The following GIGYF2 variants were observed in gnomAD, a reference collection of about 807,000 sequenced individuals.
The protein encoded by GIGYF2 is GRB10-interacting GYF protein 2.
Under a neutral mutation model 208.1 loss-of-function variants are expected in GIGYF2, and 25 were observed. That is an observed-to-expected ratio of 0.12 (90% CI 0.09 to 0.17). The LOEUF (loss-of-function observed/expected upper bound fraction) is 0.17. Among genes scored for constraint, GIGYF2 ranks in the 10% least tolerant of loss-of-function variants. The pLI is 1.00. For synonymous variants in GIGYF2, 534 were observed against 543.8 expected, an observed-to-expected ratio of 0.98 and a Z score of 0.25; for missense variants, 1,302 against 1,579.4, an observed-to-expected ratio of 0.82 and a Z score of 2.98.
At chr2:232,770,983 G>A in intron 8 of GIGYF2, 1 of 1,614,016 alleles carries the variant, frequency 6.2e-7, no homozygotes. Flanking sequence ...GTCACCACTG[G>A]GGAACATGGT....
At chr2:232,767,202 A>C (rs1699005680) in intron 8 of GIGYF2, 1 of 152,156 alleles carries the variant, frequency 6.6e-6, no homozygotes, top group Admixed American at 6.5e-5. Flanking sequence ...CAGGAATTTG[A>C]GTTTGAAAAT....
chr2:232,764,310 G>A (rs1195333391), intron 8 of GIGYF2: 1 of 152,216 alleles, frequency 6.6e-6, no homozygotes, highest in African/African-American at 2.4e-5. Context: ...GTGTGCTGAT[G>A]TCCTCTCAGC....
intron 27 of GIGYF2, among the ~76,000 whole-genome samples, chr2:232,849,510 G>C (rs1006307867): frequency 5.3e-5 from 8 of 152,064 alleles, no homozygotes; most frequent in African/African-American, 1.9e-4. Context: ...CAATATAGAA[G>C]GCTCTTTGCA....
intron 2 of GIGYF2, among the ~76,000 whole-genome samples, chr2:232,707,416 C>G (rs1327602407): frequency 6.6e-6 from 1 of 152,144 alleles, no homozygotes; most frequent in Non-Finnish European, 1.5e-5. Flanking sequence ...GTACTTTCTA[C>G]TTGATAAATC....
intron 21 of GIGYF2, among the ~76,000 whole-genome samples, chr2:232,821,148 G>A (rs1042918234): frequency 1.6e-4 from 25 of 151,958 alleles, no homozygotes; most frequent in Admixed American, 5.2e-4. Flanking sequence ...TTTGAAACAC[G>A]TAAATTTTTC....
In GIGYF2 at chr2:232,806,666, C is replaced by T; in HGVS notation, c.1806+9C>T. ...CTCCCCCTCCTCATATGGTAAGTACCTTTCACCTCACCTGGAATACATATT... is the reference window on the plus strand; with the variant it reads ...CTCCCCCTCCTCATATGGTAAGTACTTTTCACCTCACCTGGAATACATATT... On this transcript the variant is annotated intron_variant, in intron 15 of 28. Transcript: ENST00000373563. The surrounding 1 kb of genome is among the most constrained non-coding windows in gnomAD (Gnocchi z 4.0). The T allele has an allele frequency of 6.3e-7, 1 of 1,591,448 alleles. No homozygotes were observed.
chr2:232,752,900 T>C (rs1166028502), intron 5 of GIGYF2, among the ~76,000 whole-genome samples: 6 of 152,054 alleles, frequency 3.9e-5, no homozygotes, highest in Admixed American at 3.3e-4. Context: ...AAGCACATAA[T>C]GAAAAGCAAG....
chr2:232,771,404 C>T (rs1192945404), intron 8 of GIGYF2: 1 of 1,416,666 alleles, frequency 7.1e-7, no homozygotes, highest in Non-Finnish European at 9.9e-7. Flanking sequence ...AATTAGTAAG[C>T]TCTTAACTGT....
At chr2:232,814,564 A>ACC (rs1187503725) in intron 18 of GIGYF2, among the ~76,000 whole-genome samples, 5,110 of 64,776 alleles carry the variant, frequency 0.079, 767 homozygotes, top group Non-Finnish European at 0.12. Context: ...CTCCACCTCA[A>ACC]ACCCCCCCCC....
chr2:232,728,002 T>C lies in GIGYF2; in HGVS notation c.-43-7153T>C, dbSNP rs567548775. ...AGTCCTATAGATTCCATTCCATTTC[T>C]GTATCCTGTGTTTTAGATTTTCCCT... On this transcript the variant is annotated intron_variant, in intron 2 of 28. Transcript: ENST00000373563. 4.6e-5 allele frequency among the ~76,000 whole-genome samples: 7 copies of C among 152,362 alleles called. No homozygotes were observed. The South Asian group carries it at 1.4e-3, about 32-fold the overall frequency.
intron 1 of GIGYF2, chr2:232,700,594 G>T (rs574122278): frequency 6.6e-6 from 1 of 152,170 alleles, no homozygotes; most frequent in Admixed American, 6.5e-5. Flanking sequence ...GATTATAGTG[G>T]GACCAGTCTC....
intron 2 of GIGYF2, among the ~76,000 whole-genome samples, chr2:232,715,455 A>G (rs1370984048): frequency 6.6e-6 from 1 of 152,184 alleles, no homozygotes; most frequent in East Asian, 1.9e-4. Flanking sequence ...CAGTATCTGT[A>G]ATTTTTTTGA....
chr2:232,839,761 T>C, intron 22 of GIGYF2, 88 bp from the exon 23 acceptor site: 1 of 1,317,904 alleles, frequency 7.6e-7, no homozygotes, highest in Non-Finnish European at 1.1e-6. Context: ...AGAAATGCAT[T>C]TGTTCTGGGT....
chr2:232,799,292 C>A (rs1317523272), intron 14 of GIGYF2, among the ~76,000 whole-genome samples: 1 of 151,894 alleles, frequency 6.6e-6, no homozygotes, highest in African/African-American at 2.4e-5. Flanking sequence ...GCCTGTAATT[C>A]TGACCCTTTG....
At chr2:232,781,716 A>G (rs1378171106) in intron 8 of GIGYF2, among the ~76,000 whole-genome samples, 1 of 152,156 alleles carries the variant, frequency 6.6e-6, no homozygotes, top group African/African-American at 2.4e-5. Flanking sequence ...TTATACTTAA[A>G]TCCCAGATCT....
chr2:232,761,314 GA>G, intron 7 of GIGYF2, 81 bp from the exon 8 acceptor site: 1 of 871,634 alleles, frequency 1.1e-6, no homozygotes, highest in Admixed American at 1.8e-5. Flanking sequence ...AATGCTTTTA[GA>G]AAAATGGGAA....
At chr2:232,821,855 G>A (rs1476323692) in intron 21 of GIGYF2, among the ~76,000 whole-genome samples, 2 of 151,024 alleles carry the variant, frequency 1.3e-5, no homozygotes, top group East Asian at 1.9e-4. Context: ...TATGAGGTAT[G>A]GGTTGTTCCA....
chr2:232,776,498 CAG>C (rs5839447), intron 8 of GIGYF2: 94,274 of 1,396,774 alleles, frequency 0.067, 4,300 homozygotes, highest in African/African-American at 0.19. Context: ...AGGAAATTTA[CAG>C]AGTCTGCCTT....
At chr2:232,776,788 A>C in intron 8 of GIGYF2, 1 of 280,694 alleles carries the variant, frequency 3.6e-6, no homozygotes, top group South Asian at 9.9e-5. Flanking sequence ...TTTTCCCTCT[A>C]ATCAGGACCG....
Sources: allele counts gnomAD v4.1 joint callset (sites outside exome capture counted in the v4.1 genomes callset), GRCh38; gene constraint gnomAD v4.1.1; non-coding constraint Gnocchi (gnomAD v3.1); transcripts MANE v1.5; gene names NCBI Gene and HGNC (gene_info 2026-07-23, HGNC 2026-07-21).